MGST3: variants seen among roughly 807,000 people sequenced by gnomAD.
MGST3 encodes glutathione S-transferase 3, mitochondrial.
A neutral mutation model predicts 15.8 loss-of-function variants in MGST3; 13 were observed. That is an observed-to-expected ratio of 0.82 (90% confidence interval 0.54 to 1.31). MGST3 has a LOEUF of 1.31. Ranked by LOEUF, MGST3 falls within the 50% of genes most tolerant of loss-of-function variation. The pLI, the probability that MGST3 is intolerant of heterozygous loss-of-function variation, is 0.00. For synonymous variants in MGST3, 49 were observed against 68.1 expected, an observed-to-expected ratio of 0.72 and a Z score of 1.38; for missense variants, 155 against 192.4, an observed-to-expected ratio of 0.81 and a Z score of 1.15.
chr1:165,649,177 C>T (rs920283556), intron 1 of MGST3: 1 of 154,094 alleles, frequency 6.5e-6, no homozygotes, highest in Non-Finnish European at 1.4e-5. Flanking sequence ...CCTGGGCCTT[C>T]CCCTACCTGT....
At chr1:165,654,684 C>A in intron 5 of MGST3, among the ~76,000 whole-genome samples, 1 of 151,826 alleles carries the variant, frequency 6.6e-6, no homozygotes, top group African/African-American at 2.4e-5. Context: ...GAGCAAGATC[C>A]TATCTCAAAA....
rs1406520876 is a variant in MGST3 at position 165,654,283 on chromosome 1, T to C, written c.254T>C (p.Ile85Thr). The change falls in exon 5 of 6, where the codon ATA becomes ACA. Residue 85 changes from isoleucine (I) to threonine (T), a missense_variant. Transcript: ENST00000367889. ...AATGTAGCCCTTTTTTCTTAGCGTA[T>C]AGCTTCTGGCCTGGGCTTGGCCTGG... ...LAVGGVYHPR[I>T]ASGLGLAWIV... 5.6e-6 allele frequency: 9 copies of C among 1,614,052 alleles called. No homozygotes were observed. Among genetic ancestry groups the C allele is most frequent in the East Asian group, 2.2e-5 (1 of 44,904 alleles).
intron 1 of MGST3, chr1:165,645,737 G>A (rs1648381101): frequency 6.6e-6 from 1 of 152,186 alleles, no homozygotes. Flanking sequence ...GAATGTTTCA[G>A]CTCCATTACA....
chr1:165,631,944 C>T, intron 1 of MGST3: 1 of 367,380 alleles, frequency 2.7e-6, no homozygotes, highest in East Asian at 4.3e-5. Context: ...TCTTCAGGTT[C>T]TTCCTTGGAT....
At chr1:165,650,009 G>T in intron 2 of MGST3, 45 bp downstream of exon 2, 1 of 1,612,152 alleles carries the variant, frequency 6.2e-7, no homozygotes, top group South Asian at 1.1e-5. Flanking sequence ...TTGTCTGGGG[G>T]CCACAGGCTT....
chr1:165,637,435 T>C (rs1310617078), intron 1 of MGST3, among the ~76,000 whole-genome samples: 1 of 152,208 alleles, frequency 6.6e-6, no homozygotes, highest in African/African-American at 2.4e-5. Context: ...CCCAAATCCA[T>C]AAAGCCTGCC....
intron 2 of MGST3, 46 bp from the exon 3 acceptor site, chr1:165,650,968 A>G (rs1269638589): frequency 6.5e-7 from 1 of 1,543,192 alleles, no homozygotes; most frequent in Non-Finnish European, 9.0e-7. Flanking sequence ...TTCAACACTG[A>G]ATGCTCCTCT....
At chr1:165,632,214 T>G (rs1282753965) in intron 1 of MGST3, 3 of 1,611,606 alleles carry the variant, frequency 1.9e-6, no homozygotes, top group Admixed American at 3.3e-5. Context: ...GGGTTAGAAC[T>G]TTAATTCCTT....
At chr1:165,631,933 C>G (rs1270802381) in intron 1 of MGST3, 5 of 329,708 alleles carry the variant, frequency 1.5e-5, no homozygotes, top group African/African-American at 6.1e-5. Context: ...GGGTGGGGGA[C>G]TCTTCAGGTT....
At chr1:165,640,354 C>T (rs1648230466) in intron 1 of MGST3, among the ~76,000 whole-genome samples, 1 of 152,060 alleles carries the variant, frequency 6.6e-6, no homozygotes, top group African/African-American at 2.4e-5. Context: ...TCATCAGCCC[C>T]ATTCTGTTTT....
intron 1 of MGST3, among the ~76,000 whole-genome samples, chr1:165,642,116 G>A (rs1168992836): frequency 1.3e-5 from 2 of 152,134 alleles, no homozygotes; most frequent in Non-Finnish European, 2.9e-5. Context: ...TTATTGCTAG[G>A]AAGGGAAAAA....
intron 1 of MGST3, among the ~76,000 whole-genome samples, chr1:165,636,464 G>A (rs1648116745): frequency 6.6e-6 from 1 of 152,142 alleles, no homozygotes; most frequent in East Asian, 1.9e-4. Flanking sequence ...GGCCAGGCAC[G>A]GTGGCTCATG....
At chr1:165,634,128 T>G (rs1648035652) in intron 1 of MGST3, among the ~76,000 whole-genome samples, 1 of 152,140 alleles carries the variant, frequency 6.6e-6, no homozygotes, top group Non-Finnish European at 1.5e-5. Context: ...TAATGTATTT[T>G]GTACTCAGGA....
chr1:165,655,789 A>G lies in MGST3; in HGVS notation c.*285A>G, dbSNP rs1194080505. The G allele has an allele frequency of 6.9e-6, 3 of 434,118 alleles. No homozygotes were observed. Among genetic ancestry groups the G allele is most frequent in the South Asian group, 2.4e-5 (1 of 42,156 alleles). 26.9% of individuals were successfully genotyped at this position (434,118 alleles called of 1,614,324 possible). On this transcript the variant is annotated 3_prime_UTR_variant, in exon 6 of 6. Coordinates refer to ENST00000367889, the MANE Select transcript of MGST3 (RefSeq NM_004528.4). ...AAAGTCTGATTGTGGTGATGTAGGT[A>G]TAGTCATGCCACAGTGATGAAAAAT...
intron 1 of MGST3, among the ~76,000 whole-genome samples, chr1:165,644,154 T>C (rs1023711411): frequency 6.6e-6 from 1 of 152,226 alleles, no homozygotes; most frequent in African/African-American, 2.4e-5. Flanking sequence ...TAGGTACTTT[T>C]AACTACAGTT....
At chr1:165,652,405 T>A (rs188683635) in intron 4 of MGST3, among the ~76,000 whole-genome samples, 35 of 152,292 alleles carry the variant, frequency 2.3e-4, no homozygotes, top group Middle Eastern at 3.4e-3. Context: ...AAAGCAGTGA[T>A]CAAAGCAGAC....
intron 1 of MGST3, among the ~76,000 whole-genome samples, chr1:165,640,791 G>A (rs1294562616): frequency 6.6e-6 from 1 of 152,196 alleles, no homozygotes; most frequent in Non-Finnish European, 1.5e-5. Flanking sequence ...AGTCCATCTA[G>A]AGAGGTATAC....
At chr1:165,641,351 A>G (rs1003526388) in intron 1 of MGST3, among the ~76,000 whole-genome samples, 1 of 152,158 alleles carries the variant, frequency 6.6e-6, no homozygotes, top group African/African-American at 2.4e-5. Flanking sequence ...AGTGCTTTAT[A>G]TATTCTGGTT....
chr1:165,638,137 TAC>T, intron 1 of MGST3, among the ~76,000 whole-genome samples: 1 of 152,282 alleles, frequency 6.6e-6, no homozygotes, highest in East Asian at 1.9e-4. Flanking sequence ...TGGCAAGTAA[TAC>T]ACTGATAAAT....
Sources: allele counts gnomAD v4.1 joint callset (sites outside exome capture counted in the v4.1 genomes callset), GRCh38; gene constraint gnomAD v4.1.1; transcripts MANE v1.5; gene names NCBI Gene and HGNC (gene_info 2026-07-23, HGNC 2026-07-21).